KCNN2: variants seen among roughly 807,000 people sequenced by gnomAD.
KCNN2 encodes the protein small conductance calcium-activated potassium channel protein 2.
A neutral mutation model predicts 55.5 loss-of-function variants in KCNN2; 24 were observed. The ratio of observed to expected loss-of-function variants is 0.43; its 90% confidence interval spans 0.31 to 0.61. The LOEUF (loss-of-function observed/expected upper bound fraction) is 0.61. Ranked by LOEUF, KCNN2 falls within the 20% of genes least tolerant of loss-of-function variation. The pLI, the probability that KCNN2 is intolerant of heterozygous loss-of-function variation, is 0.08. For synonymous variants in KCNN2, 431 were observed against 336.1 expected (o/e 1.28, Z -3.09); for missense variants, 754 against 853.6 (o/e 0.88, Z 1.45).
At chr5:114,434,828 G>C (rs979324171) in intron 3 of KCNN2, among the ~76,000 whole-genome samples, 17 of 152,152 alleles carry the variant, frequency 1.1e-4, no homozygotes, top group Non-Finnish European at 2.4e-4. Flanking sequence ...GATCACTCCG[G>C]GGGGAGATGG....
intron 2 of KCNN2, among the ~76,000 whole-genome samples, chr5:114,351,364 T>C (rs1757200944): frequency 6.6e-6 from 1 of 151,794 alleles, no homozygotes; most frequent in Non-Finnish European, 1.5e-5. Context: ...CTTAAGATTT[T>C]CTAGATCCAC....
chr5:114,142,402 T>A (rs1240975178), intron 1 of KCNN2, among the ~76,000 whole-genome samples: 2 of 152,202 alleles, frequency 1.3e-5, no homozygotes, highest in African/African-American at 4.8e-5. Flanking sequence ...CTTTCCCCAT[T>A]TCTTGTTTTT....
chr5:114,184,271 G>C (rs1168840803), intron 1 of KCNN2, among the ~76,000 whole-genome samples: 1 of 152,196 alleles, frequency 6.6e-6, no homozygotes, highest in African/African-American at 2.4e-5. Flanking sequence ...CACTGGAAAT[G>C]CTTTTACTGG....
chr5:114,096,705 C>T (rs996881553), intron 1 of KCNN2, among the ~76,000 whole-genome samples: 1 of 152,196 alleles, frequency 6.6e-6, no homozygotes, highest in African/African-American at 2.4e-5. Flanking sequence ...CCCTGCATAA[C>T]TTCTCTTCCC....
intron 3 of KCNN2, among the ~76,000 whole-genome samples, chr5:114,442,274 T>A (rs1245833034): frequency 6.7e-6 from 1 of 149,840 alleles, no homozygotes; most frequent in East Asian, 1.9e-4. Context: ...TTCATATATT[T>A]ACTGTATATA....
intron 2 of KCNN2, among the ~76,000 whole-genome samples, chr5:114,376,512 G>A (rs2150054024): frequency 6.6e-6 from 1 of 152,336 alleles, no homozygotes; most frequent in African/African-American, 2.4e-5. Context: ...TTCAGCAAAT[G>A]AAAAGCAATA....
At chr5:114,318,111 C>T (rs1045696767) in intron 2 of KCNN2, among the ~76,000 whole-genome samples, 1 of 152,160 alleles carries the variant, frequency 6.6e-6, no homozygotes, top group Non-Finnish European at 1.5e-5. Flanking sequence ...TGACACTGTC[C>T]TACTCATCTC....
intron 1 of KCNN2, among the ~76,000 whole-genome samples, chr5:114,182,397 A>C (rs1319207022): frequency 6.6e-6 from 1 of 152,078 alleles, no homozygotes; most frequent in East Asian, 1.9e-4. Context: ...AAAATTCAGA[A>C]TCATGTCTTC....
chr5:114,081,471 T>G (rs1750818809), intron 1 of KCNN2, among the ~76,000 whole-genome samples: 1 of 152,104 alleles, frequency 6.6e-6, no homozygotes, highest in Admixed American at 6.5e-5. Flanking sequence ...AGCCCAGAAA[T>G]AAACCCTCCT....
chr5:114,298,410 C>T (rs1756079864), intron 2 of KCNN2, among the ~76,000 whole-genome samples: 1 of 152,238 alleles, frequency 6.6e-6, no homozygotes, highest in African/African-American at 2.4e-5. Flanking sequence ...CTCTTCTCCT[C>T]ACTCAGCCAG....
chr5:114,171,394 A>T (rs1753029437), intron 1 of KCNN2, among the ~76,000 whole-genome samples: 1 of 151,986 alleles, frequency 6.6e-6, no homozygotes, highest in South Asian at 2.1e-4. Context: ...CTTGCAAAAT[A>T]TCAATATTGT....
rs531498893 is a variant in KCNN2 at position 114,428,820 on chromosome 5, A to G, written c.1637+23964A>G. Reference sequence around the variant, plus strand: ...TAACATGTCATATAGTTGAATTCATAGAGTATGTACCCCTTTCAGATTGGC... The same window carrying G: ...TAACATGTCATATAGTTGAATTCATGGAGTATGTACCCCTTTCAGATTGGC... On this transcript the variant is annotated intron_variant, in intron 3 of 7. Coordinates refer to ENST00000673685, the MANE Select transcript of KCNN2 (RefSeq NM_021614.4). 2.8e-4 allele frequency among the ~76,000 whole-genome samples: 43 copies of G among 152,170 alleles called. No homozygotes were observed. The South Asian group carries it at 5.8e-3, about 21-fold the overall frequency.
At chr5:114,397,583 C>A (rs1758657690) in intron 2 of KCNN2, among the ~76,000 whole-genome samples, 2 of 152,116 alleles carry the variant, frequency 1.3e-5, no homozygotes, top group African/African-American at 4.8e-5. Flanking sequence ...GATGGGGTTT[C>A]ACCATATTGG....
In KCNN2 at chr5:114,362,580, C is replaced by A; in HGVS notation, c.441C>A (p.Ser147=). ...TCCGGCAGCAGTACGCGCAGCAGTC[C>A]GCGCAGCAGTCGGCGTCCGCCTCCC... ...SALRQQYAQQ[S]AQQSASASQY... The change falls in exon 1 of 8, where the codon TCC becomes TCA. Residue 147 remains serine (S), a synonymous_variant. Coordinates refer to ENST00000673685, the MANE Select transcript of KCNN2 (RefSeq NM_021614.4). 2.9e-6 allele frequency: 2 copies of A among 700,652 alleles called. No individual in the cohort carries two copies. Among genetic ancestry groups the A allele is most frequent in the East Asian group, 3.1e-5 (1 of 32,784 alleles). 43.4% of individuals were successfully genotyped at this position (700,652 alleles called of 1,614,324 possible).
chr5:114,287,979 C>T (rs1313695039), intron 2 of KCNN2, among the ~76,000 whole-genome samples: 1 of 152,178 alleles, frequency 6.6e-6, no homozygotes, highest in Non-Finnish European at 1.5e-5. Context: ...TAAAATCATA[C>T]TATCAATACA....
chr5:114,097,201 C>A (rs185799763), intron 1 of KCNN2, among the ~76,000 whole-genome samples: 124 of 152,266 alleles, frequency 8.1e-4, no homozygotes, highest in Non-Finnish European at 1.1e-3. Flanking sequence ...GGTGACATTA[C>A]AAATTAATTA....
chr5:114,364,839 G>A (rs753058257), intron 2 of KCNN2, among the ~76,000 whole-genome samples: 6 of 151,666 alleles, frequency 4.0e-5, no homozygotes, highest in East Asian at 1.9e-4. Context: ...TGTGGGAGGC[G>A]CGGTGGCTCA....
intron 2 of KCNN2, among the ~76,000 whole-genome samples, chr5:114,235,472 T>C (rs1257935429): frequency 2.6e-5 from 4 of 152,236 alleles, no homozygotes; most frequent in Non-Finnish European, 4.4e-5. Context: ...TCAGATATTC[T>C]ATAAATGAAC....
At chr5:114,424,017 C>G (rs539977501) in intron 3 of KCNN2, among the ~76,000 whole-genome samples, 1 of 152,094 alleles carries the variant, frequency 6.6e-6, no homozygotes, top group African/African-American at 2.4e-5. Flanking sequence ...TAAATTGGAA[C>G]TGATGCATGG....
Sources: allele counts gnomAD v4.1 joint callset (sites outside exome capture counted in the v4.1 genomes callset), GRCh38; gene constraint gnomAD v4.1.1; transcripts MANE v1.5; gene names NCBI Gene and HGNC (gene_info 2026-07-23, HGNC 2026-07-21).